SCLT1: variants seen among roughly 807,000 people sequenced by gnomAD.
The protein encoded by SCLT1 is sodium channel-associated protein 1.
Under a neutral mutation model 112.8 loss-of-function variants are expected in SCLT1, and 78 were observed. The ratio of observed to expected loss-of-function variants is 0.69; its 90% CI spans 0.58 to 0.83. The LOEUF is 0.83. SCLT1 is among the 40% of genes least tolerant of loss of function. SCLT1 has a pLI of 0.00. For synonymous variants in SCLT1, 257 were observed against 254.7 expected (o/e 1.01, Z -0.09); for missense variants, 747 against 770.4 (o/e 0.97, Z 0.36).
chr4:129,044,142 T>A (rs1015814702), intron 2 of SCLT1, 91 bp from the exon 3 acceptor site: 1 of 654,584 alleles, frequency 1.5e-6, no homozygotes, highest in Non-Finnish European at 2.7e-6. Flanking sequence ...TAAATTTTCA[T>A]AATCTTAGAA....
chr4:129,079,869 A>T (rs1278384665), intron 2 of SCLT1, among the ~76,000 whole-genome samples: 2 of 152,250 alleles, frequency 1.3e-5, no homozygotes, highest in Non-Finnish European at 2.9e-5. Flanking sequence ...TCTGAAATCC[A>T]GGCAGAAGCT....
At chr4:129,065,402 TTAATA>T (rs1750389581) in intron 2 of SCLT1, among the ~76,000 whole-genome samples, 2 of 152,050 alleles carry the variant, frequency 1.3e-5, no homozygotes, top group African/African-American at 4.8e-5. Flanking sequence ...TTATTCACAT[TTAATA>T]TAATTAATGT....
chr4:128,979,087 A>T (rs1741430345), intron 9 of SCLT1, among the ~76,000 whole-genome samples: 1 of 152,174 alleles, frequency 6.6e-6, no homozygotes, highest in South Asian at 2.1e-4. Flanking sequence ...ATACTAAAGT[A>T]GAAGGGAGGT....
At chr4:129,076,902 A>G (rs1015222746) in intron 2 of SCLT1, among the ~76,000 whole-genome samples, 1 of 152,162 alleles carries the variant, frequency 6.6e-6, no homozygotes, top group Non-Finnish European at 1.5e-5. Flanking sequence ...GAAACCAGCT[A>G]TTTAAAATAT....
intron 11 of SCLT1, 87 bp from the exon 12 acceptor site, chr4:128,959,864 T>G: frequency 3.7e-5 from 35 of 950,538 alleles, no homozygotes; most frequent in African/African-American, 8.2e-5. Flanking sequence ...AGGACAGGTA[T>G]TATGCCAGTA....
chr4:128,878,139 C>T (rs1172307274), intron 3 of SCLT1, among the ~76,000 whole-genome samples: 1 of 152,086 alleles, frequency 6.6e-6, no homozygotes, highest in Non-Finnish European at 1.5e-5. Context: ...TCCAAGTCGG[C>T]ATTTTTGTGA....
At chr4:128,940,247 C>T (rs946124273) in intron 17 of SCLT1, among the ~76,000 whole-genome samples, 7 of 150,826 alleles carry the variant, frequency 4.6e-5, no homozygotes, top group East Asian at 3.9e-4. Flanking sequence ...ATGTTAAAGA[C>T]GGATCAACTG....
intron 5 of SCLT1, among the ~76,000 whole-genome samples, chr4:129,032,805 A>G (rs1430178429): frequency 6.6e-6 from 1 of 151,626 alleles, no homozygotes; most frequent in Non-Finnish European, 1.5e-5. Context: ...ACCAGTTAGA[A>G]TGGCAATCAT....
chr4:129,015,015 G>A (rs1237953900), intron 5 of SCLT1, among the ~76,000 whole-genome samples: 1 of 152,084 alleles, frequency 6.6e-6, no homozygotes, highest in Non-Finnish European at 1.5e-5. Context: ...AGCTCAGTGT[G>A]GGGGAGGATC....
At chr4:128,967,361 G>A (rs763427861) in intron 10 of SCLT1, among the ~76,000 whole-genome samples, 13 of 152,178 alleles carry the variant, frequency 8.5e-5, no homozygotes, top group African/African-American at 1.2e-4. Flanking sequence ...ATACTACTTC[G>A]TTATATACCC....
At chr4:128,954,323 T>G (rs1197811276) in intron 13 of SCLT1, among the ~76,000 whole-genome samples, 1 of 149,758 alleles carries the variant, frequency 6.7e-6, no homozygotes, top group Non-Finnish European at 1.5e-5. Flanking sequence ...TTTAGTTTTT[T>G]TTTTTTTTTT....
intron 3 of SCLT1, among the ~76,000 whole-genome samples, chr4:128,878,534 T>TATC (rs1189802757): frequency 1.3e-5 from 2 of 152,228 alleles, no homozygotes; most frequent in African/African-American, 4.8e-5. Flanking sequence ...CTCTTTTTTA[T>TATC]ATCAAAAGCT....
intron 18 of SCLT1, among the ~76,000 whole-genome samples, chr4:128,898,238 C>T (rs1181160213): frequency 2.0e-5 from 3 of 152,188 alleles, no homozygotes; most frequent in Admixed American, 6.5e-5. Context: ...CAGCACCACA[C>T]TGCACTTATT....
chr4:128,948,370 G>C, intron 15 of SCLT1, 126 bp downstream of exon 15: 1 of 371,170 alleles, frequency 2.7e-6, no homozygotes, highest in Non-Finnish European at 4.1e-6. Context: ...GAAAAGAAAA[G>C]AAAAACTTAC....
intron 4 of SCLT1, among the ~76,000 whole-genome samples, chr4:128,875,643 T>C (rs1217509027): frequency 2.0e-5 from 3 of 152,182 alleles, no homozygotes; most frequent in Admixed American, 2.0e-4. Context: ...GATATTGAAG[T>C]AGTTGTGATT....
chr4:129,043,255 C>G, intron 4 of SCLT1, 140 bp downstream of exon 4: 1 of 624,562 alleles, frequency 1.6e-6, no homozygotes, highest in Non-Finnish European at 2.9e-6. Context: ...CATTCACACA[C>G]ATTTACATAG....
intron 5 of SCLT1, among the ~76,000 whole-genome samples, chr4:129,016,383 T>C (rs1210307216): frequency 1.3e-5 from 2 of 152,166 alleles, no homozygotes; most frequent in East Asian, 3.9e-4. Context: ...TGTATTCTCA[T>C]TGTTCAGCTC....
At chr4:129,082,745 A>G (rs1009086457) in intron 1 of SCLT1, among the ~76,000 whole-genome samples, 4 of 152,218 alleles carry the variant, frequency 2.6e-5, no homozygotes, top group African/African-American at 9.6e-5. Context: ...AGCTATAGTC[A>G]TATTTTTTAG....
chr4:129,005,587 C>A (rs1242102947), intron 5 of SCLT1, among the ~76,000 whole-genome samples: 1 of 152,164 alleles, frequency 6.6e-6, no homozygotes, highest in Admixed American at 6.5e-5. Context: ...ACTAGTTCAA[C>A]TATTGTGGAA....
Sources: allele counts gnomAD v4.1 joint callset (sites outside exome capture counted in the v4.1 genomes callset), GRCh38; gene constraint gnomAD v4.1.1; transcripts MANE v1.5; gene names NCBI Gene and HGNC (gene_info 2026-07-23, HGNC 2026-07-21).